The following WDR20 variants were observed in gnomAD, a reference collection of about 807,000 sequenced individuals.
WDR20 encodes the protein WD repeat domain 20.
A neutral mutation model predicts 38.7 loss-of-function variants in WDR20; 3 were observed. That is an observed-to-expected ratio of 0.08 (90% CI 0.04 to 0.20). The LOEUF (loss-of-function observed/expected upper bound fraction) is 0.20. Among genes scored for constraint, WDR20 ranks in the 10% least tolerant of loss-of-function variants. WDR20 has a pLI of 1.00. For missense variants in WDR20, 559 were observed against 727.7 expected, an observed-to-expected ratio of 0.77 and a Z score of 2.67; for synonymous variants, 298 against 285.6, an observed-to-expected ratio of 1.04 and a Z score of -0.44.
At chr14:102,171,962 G>C (rs71415881) in intron 1 of WDR20, among the ~76,000 whole-genome samples, 16,149 of 149,590 alleles carry the variant, frequency 0.11, 1,379 homozygotes, top group Non-Finnish European at 0.17. Flanking sequence ...TTCTCACAGA[G>C]AGGGATTTGG....
At chr14:102,215,458 CTTT>C (rs952784205), downstream of WDR20, among the ~76,000 whole-genome samples, 2 of 151,970 alleles carry the variant, frequency 1.3e-5, no homozygotes, top group African/African-American at 4.8e-5. Context: ...AGGCTGCTTG[CTTT>C]TTTTTATTTT....
intron 1 of WDR20, among the ~76,000 whole-genome samples, chr14:102,179,718 C>T (rs1376880545): frequency 1.3e-5 from 2 of 152,112 alleles, no homozygotes; most frequent in African/African-American, 4.8e-5. Context: ...CATATTTGTA[C>T]ATACATTTTC....
At position 102,152,420 on chromosome 14, in the gene WDR20, C is replaced by CTTT. The variant is rs35441566; in HGVS notation, c.249+12259_249+12261dup. ...TGCTAACAGATTATGCAGGGTCTCT[C>CTTT]TTTTTTTTTTTTTGAGACAGAGTCT... On this transcript the variant is annotated intron_variant, in intron 1 of 2. Transcript: ENST00000342702. Among the ~76,000 whole-genome samples, 343 of 145,268 alleles carry CTTT rather than the reference C, an allele frequency of 2.4e-3. 3 individuals are homozygous for CTTT. The highest frequency in any genetic ancestry group is 8.1e-3 in the African/African-American group (322 of 39,616).
At chr14:102,140,971 T>A (rs1196946141) in intron 1 of WDR20, among the ~76,000 whole-genome samples, 1 of 152,204 alleles carries the variant, frequency 6.6e-6, no homozygotes, top group Non-Finnish European at 1.5e-5. Flanking sequence ...GGGAGTGATA[T>A]GCTTTAAAAG....
chr14:102,182,645 A>G (rs1397775677), intron 1 of WDR20, among the ~76,000 whole-genome samples: 1 of 152,060 alleles, frequency 6.6e-6, no homozygotes, highest in Non-Finnish European at 1.5e-5. Context: ...CTTTTAAACT[A>G]CTAGAATAAT....
intron 1 of WDR20, among the ~76,000 whole-genome samples, chr14:102,163,365 C>T (rs892483700): frequency 2.0e-5 from 3 of 152,050 alleles, no homozygotes; most frequent in Admixed American, 6.5e-5. Flanking sequence ...CAGTGGCTCA[C>T]GCCTGTAATC....
chr14:102,186,341 A>G (rs1337239748), intron 1 of WDR20, among the ~76,000 whole-genome samples: 1 of 152,130 alleles, frequency 6.6e-6, no homozygotes, highest in Non-Finnish European at 1.5e-5. Context: ...CTTGAGCGTT[A>G]AACTGTTCGC....
At position 102,203,429 on chromosome 14, in the gene WDR20, C is replaced by T. The variant is rs972998079; in HGVS notation, c.433-5174C>T. Among the ~76,000 whole-genome samples, 3 of 152,304 alleles carry T rather than the reference C, an allele frequency of 2.0e-5. No individual in the cohort carries two copies. The South Asian group carries it at 6.2e-4, about 32-fold the overall frequency. On this transcript the variant is annotated intron_variant, in intron 2 of 2. Coordinates refer to ENST00000342702, the MANE Select transcript of WDR20 (RefSeq NM_144574.4). Reference sequence around the variant, plus strand: ...TGTGTGTTTACACTGACAGCACATTCCACTTGAGACCAGTGCTGCGGGACT... The same window carrying T: ...TGTGTGTTTACACTGACAGCACATTTCACTTGAGACCAGTGCTGCGGGACT...
chr14:102,161,297 C>T (rs2058698260), intron 1 of WDR20, among the ~76,000 whole-genome samples: 2 of 149,026 alleles, frequency 1.3e-5, no homozygotes, highest in South Asian at 4.3e-4. Flanking sequence ...ATTACAGGTG[C>T]CTAGCACCAT....
At chr14:102,172,690 G>C (rs1376528799) in intron 1 of WDR20, among the ~76,000 whole-genome samples, 1 of 145,978 alleles carries the variant, frequency 6.9e-6, no homozygotes, top group Non-Finnish European at 1.5e-5. Flanking sequence ...CTCCCGGACG[G>C]GGCGGCTGGC....
downstream of WDR20, chr14:102,212,697 G>A: frequency 2.0e-6 from 3 of 1,491,776 alleles, no homozygotes; most frequent in Non-Finnish European, 2.7e-6. Context: ...CCTGGGGAGG[G>A]GTGGCCGCGG....
In WDR20 at chr14:102,205,125, G is replaced by A. The variant is rs114121182; in HGVS notation, c.433-3478G>A. Among the ~76,000 whole-genome samples, 718 of 152,268 alleles carry A rather than the reference G, an allele frequency of 4.7e-3. 6 individuals carry two copies. Among genetic ancestry groups the A allele is most frequent in the African/African-American group, 0.016 (655 of 41,534 alleles). On this transcript the variant is annotated intron_variant, in intron 2 of 2. Coordinates refer to ENST00000342702, the MANE Select transcript of WDR20 (RefSeq NM_144574.4). ...AAATTTTTAATCAGCTGGGTGTGGC[G>A]ACACTCACCTGAAGCACCAGCTATA...
At chr14:102,143,794 C>G (rs374265907) in intron 1 of WDR20, among the ~76,000 whole-genome samples, 1 of 151,896 alleles carries the variant, frequency 6.6e-6, no homozygotes, top group Admixed American at 6.5e-5. Context: ...CCACCCTCCT[C>G]GGCCTTCCAA....
chr14:102,217,670 C>T (rs1461426181), downstream of WDR20, among the ~76,000 whole-genome samples: 47 of 152,222 alleles, frequency 3.1e-4, no homozygotes, highest in Non-Finnish European at 1.2e-4. Context: ...AGACTGGCTT[C>T]GGGTGCCGTG....
downstream of WDR20, among the ~76,000 whole-genome samples, chr14:102,210,733 C>T (rs1276790624): frequency 9.2e-6 from 1 of 109,216 alleles, no homozygotes. Context: ...GGTTTTTTGC[C>T]GGGGGCGGGG....
intron 1 of WDR20, among the ~76,000 whole-genome samples, chr14:102,148,362 TAGTG>T (rs1326773115): frequency 6.6e-6 from 1 of 151,744 alleles, no homozygotes; most frequent in East Asian, 1.9e-4. Context: ...CAGGGCAACA[TAGTG>T]AGAGCTCATC....
rs558017016 is a variant in WDR20 at position 102,170,565 on chromosome 14, G to A, written c.250-24373G>A. 5.9e-5 allele frequency among the ~76,000 whole-genome samples: 9 copies of A among 151,838 alleles called. 1 individual carries two copies. The South Asian group carries it at 1.5e-3, about 25-fold the overall frequency. The stretch of plus-strand genomic sequence containing the variant: ...TGTTTTGTATATTTAAGAGCCATCT[G>A]TATTTTCTATGAGTTGTTCATGTCC... On this transcript the variant is annotated intron_variant, in intron 1 of 2. Coordinates refer to ENST00000342702, the MANE Select transcript of WDR20 (RefSeq NM_144574.4).
intron 1 of WDR20, among the ~76,000 whole-genome samples, chr14:102,176,366 G>A (rs1436071956): frequency 1.3e-5 from 2 of 151,246 alleles, no homozygotes; most frequent in Non-Finnish European, 2.9e-5. Context: ...CTGTACTCCA[G>A]CCTGGGCGAC....
intron 1 of WDR20, 106 bp downstream of exon 1, chr14:102,140,278 T>C: frequency 2.0e-6 from 3 of 1,509,250 alleles, no homozygotes; most frequent in Non-Finnish European, 2.7e-6. Flanking sequence ...CCGTCGCTCT[T>C]ACTTTTGAGT....
Sources: allele counts gnomAD v4.1 joint callset (sites outside exome capture counted in the v4.1 genomes callset), GRCh38; gene constraint gnomAD v4.1.1; transcripts MANE v1.5; gene names NCBI Gene and HGNC (gene_info 2026-07-23, HGNC 2026-07-21).